Variants in MCPH1 observed in about 807,000 individuals in gnomAD.
MCPH1 encodes the protein microcephalin 1.
In MCPH1, 104 loss-of-function variants were observed where a neutral mutation model predicts 84.5. The ratio of observed to expected loss-of-function variants is 1.23; its 90% CI spans 1.05 to 1.45. The LOEUF (loss-of-function observed/expected upper bound fraction) is 1.45, where lower values mean the gene tolerates loss of function less well. Among genes scored for constraint, MCPH1 ranks in the 40% most tolerant of loss-of-function variants. The probability of loss-of-function intolerance (pLI) is 0.00; values close to 1 mark genes in which losing one functional copy is unlikely to be tolerated. For synonymous variants in MCPH1, 514 were observed against 366.8 expected (o/e 1.40, Z -4.58); for missense variants, 1,498 against 1,005.7 (o/e 1.49, Z -6.62).
intron 11 of MCPH1, among the ~76,000 whole-genome samples, chr8:6,486,064 G>A (rs549010441): frequency 6.6e-6 from 1 of 152,224 alleles, no homozygotes; most frequent in Admixed American, 6.5e-5. Flanking sequence ...ACAAACATAA[G>A]AAATTTGAGA....
intron 12 of MCPH1, among the ~76,000 whole-genome samples, chr8:6,523,802 T>C (rs1192864682): frequency 6.6e-6 from 1 of 152,126 alleles, no homozygotes; most frequent in African/African-American, 2.4e-5. Context: ...TTGTCCAGGC[T>C]GGTCTCGAAC....
At chr8:6,490,885 C>T (rs922380693) in intron 11 of MCPH1, among the ~76,000 whole-genome samples, 4 of 151,248 alleles carry the variant, frequency 2.6e-5, no homozygotes, top group Non-Finnish European at 5.9e-5. Flanking sequence ...AGTTTCTCTG[C>T]CAGAATATTG....
intron 12 of MCPH1, among the ~76,000 whole-genome samples, chr8:6,528,456 C>A (rs1296947528): frequency 6.6e-6 from 1 of 152,150 alleles, no homozygotes; most frequent in African/African-American, 2.4e-5. Flanking sequence ...TAATTTTTAG[C>A]CTGGGATTTC....
At chr8:6,543,099 G>A (rs2922868) in intron 12 of MCPH1, among the ~76,000 whole-genome samples, 4 of 151,382 alleles carry the variant, frequency 2.6e-5, no homozygotes, top group Non-Finnish European at 5.9e-5. Context: ...AGAAACCCCC[G>A]CAACTCCACC....
chr8:6,537,793 A>C (rs1473975504), intron 12 of MCPH1, among the ~76,000 whole-genome samples: 2 of 152,156 alleles, frequency 1.3e-5, no homozygotes, highest in Non-Finnish European at 2.9e-5. Flanking sequence ...GGCTCAGTAA[A>C]GGAAAACATA....
intron 12 of MCPH1, among the ~76,000 whole-genome samples, chr8:6,524,119 T>C (rs1026520652): frequency 3.9e-5 from 6 of 152,208 alleles, no homozygotes; most frequent in African/African-American, 1.4e-4. Context: ...CTCTGACATT[T>C]TCCTTCCAAT....
intron 3 of MCPH1, among the ~76,000 whole-genome samples, chr8:6,426,295 G>C (rs1231551039): frequency 6.6e-6 from 1 of 152,130 alleles, no homozygotes; most frequent in Non-Finnish European, 1.5e-5. Flanking sequence ...AAAATACAGA[G>C]CATTTTCATC....
intron 12 of MCPH1, among the ~76,000 whole-genome samples, chr8:6,512,812 G>A (rs993504238): frequency 6.6e-6 from 1 of 152,190 alleles, no homozygotes; most frequent in Non-Finnish European, 1.5e-5. Flanking sequence ...AAATGGGTGA[G>A]GACAAGGTAA....
At chr8:6,490,244 T>G (rs982423225) in intron 11 of MCPH1, among the ~76,000 whole-genome samples, 1 of 152,244 alleles carries the variant, frequency 6.6e-6, no homozygotes, top group African/African-American at 2.4e-5. Flanking sequence ...CACACAGTTC[T>G]CACTGTAAAT....
chr8:6,571,605 A>C (rs1022502793), intron 12 of MCPH1, among the ~76,000 whole-genome samples: 11 of 152,140 alleles, frequency 7.2e-5, no homozygotes, highest in Non-Finnish European at 1.5e-4. Context: ...TTATTGAGAA[A>C]CCTTTTTAAA....
intron 3 of MCPH1, among the ~76,000 whole-genome samples, chr8:6,419,640 G>C (rs1374990302): frequency 6.6e-6 from 1 of 150,442 alleles, no homozygotes; most frequent in African/African-American, 2.5e-5. Flanking sequence ...CTGACCTTGT[G>C]ATCCACCTGC....
intron 9 of MCPH1, 47 bp downstream of exon 9, chr8:6,455,299 C>T: frequency 7.8e-7 from 1 of 1,275,698 alleles, no homozygotes. Flanking sequence ...GCTGATACAT[C>T]ATAATGTTCT....
chr8:6,572,646 G>C (rs775175118), intron 12 of MCPH1, among the ~76,000 whole-genome samples: 1 of 152,200 alleles, frequency 6.6e-6, no homozygotes, highest in East Asian at 1.9e-4. Flanking sequence ...ATAGACCTAG[G>C]AGCTGTCTCT....
At chr8:6,412,144 G>C (rs1167139439) in intron 2 of MCPH1, among the ~76,000 whole-genome samples, 1 of 152,214 alleles carries the variant, frequency 6.6e-6, no homozygotes, top group Non-Finnish European at 1.5e-5. Flanking sequence ...TCTTGAGTAA[G>C]AGGTCAGTGG....
intron 12 of MCPH1, among the ~76,000 whole-genome samples, chr8:6,523,634 G>T (rs10087345): frequency 2.6e-5 from 4 of 151,972 alleles, no homozygotes; most frequent in Non-Finnish European, 5.9e-5. Flanking sequence ...CTGTGGCCTG[G>T]GCTGTTGTGC....
chr8:6,513,780 T>C, intron 12 of MCPH1: 2 of 1,614,134 alleles, frequency 1.2e-6, no homozygotes, highest in Non-Finnish European at 1.7e-6. Flanking sequence ...ATAGCGTTGC[T>C]GATTAGTCAG....
chr8:6,609,821 C>T (rs1004680779), intron 12 of MCPH1, among the ~76,000 whole-genome samples: 1 of 61,480 alleles, frequency 1.6e-5, no homozygotes, highest in Admixed American at 1.1e-4. Context: ...TGCCCCCCGC[C>T]CCCCCCCCAC....
chr8:6,519,776 G>A (rs2129568937), intron 12 of MCPH1: 11 of 1,495,224 alleles, frequency 7.4e-6, no homozygotes. Context: ...GAAGATCTTT[G>A]GGGAGAGACT....
chr8:6,569,206 T>C (rs1563140961), intron 12 of MCPH1, among the ~76,000 whole-genome samples: 1 of 152,132 alleles, frequency 6.6e-6, no homozygotes, highest in Non-Finnish European at 1.5e-5. Flanking sequence ...ACTAGAGAAA[T>C]AGCCACAACT....
Sources: allele counts gnomAD v4.1 joint callset (sites outside exome capture counted in the v4.1 genomes callset), GRCh38; gene constraint gnomAD v4.1.1; transcripts MANE v1.5; gene names NCBI Gene and HGNC (gene_info 2026-07-23, HGNC 2026-07-21).